PRKACB: variants seen among roughly 807,000 people sequenced by gnomAD.
PRKACB encodes the protein protein kinase cAMP-activated catalytic subunit beta.
A neutral mutation model predicts 51.4 loss-of-function variants in PRKACB; 16 were observed. The ratio of observed to expected loss-of-function variants is 0.31; its 90% confidence interval spans 0.21 to 0.47. The LOEUF (loss-of-function observed/expected upper bound fraction) is 0.47, where lower values mean the gene tolerates loss of function less well. PRKACB is among the 20% of genes least tolerant of loss of function. The pLI is 1.00. For synonymous variants in PRKACB, 147 were observed against 154.4 expected (o/e 0.95, Z 0.35); for missense variants, 309 against 464.5 (o/e 0.67, Z 3.08).
At chr1:84,139,901 A>C (rs1653228493), upstream of PRKACB, among the ~76,000 whole-genome samples, 1 of 152,096 alleles carries the variant, frequency 6.6e-6, no homozygotes, top group Non-Finnish European at 1.5e-5. Flanking sequence ...TACTAAAAAT[A>C]ATTAAAAAAT....
chr1:84,164,154 C>A (rs917398709), intron 1 of PRKACB: 9 of 465,752 alleles, frequency 1.9e-5, no homozygotes, highest in Non-Finnish European at 2.5e-5. Context: ...TGCAGATATA[C>A]ATATATGTAT....
At chr1:84,216,463 G>A (rs1163656784) in intron 9 of PRKACB, among the ~76,000 whole-genome samples, 2 of 151,982 alleles carry the variant, frequency 1.3e-5, no homozygotes, top group Admixed American at 1.3e-4. Context: ...CTCACAAGAG[G>A]GATCCAGAAA....
At chr1:84,224,797 A>G (rs1255033975) in intron 9 of PRKACB, among the ~76,000 whole-genome samples, 1 of 152,166 alleles carries the variant, frequency 6.6e-6, no homozygotes, top group Non-Finnish European at 1.5e-5. Context: ...AGAAGCAGCA[A>G]GCAGGGTGGA....
chr1:84,130,290 A>G (rs1213005085), intron 1 of PRKACB, among the ~76,000 whole-genome samples: 1 of 151,640 alleles, frequency 6.6e-6, no homozygotes, highest in African/African-American at 2.4e-5. Flanking sequence ...ATGAAATTCC[A>G]TTTGTTTGTT....
intron 1 of PRKACB, among the ~76,000 whole-genome samples, chr1:84,088,953 G>T (rs1648239179): frequency 6.6e-6 from 1 of 152,130 alleles, no homozygotes; most frequent in Non-Finnish European, 1.5e-5. Flanking sequence ...GAATTTCTGA[G>T]ATCATCTTGG....
At chr1:84,090,972 T>C (rs1294825270) in intron 1 of PRKACB, among the ~76,000 whole-genome samples, 1 of 152,156 alleles carries the variant, frequency 6.6e-6, no homozygotes, top group Non-Finnish European at 1.5e-5. Flanking sequence ...ATTCTTATCT[T>C]TTATATGTAT....
chr1:84,193,743 G>A (rs1667450401), intron 5 of PRKACB, among the ~76,000 whole-genome samples: 1 of 152,110 alleles, frequency 6.6e-6, no homozygotes, highest in African/African-American at 2.4e-5. Flanking sequence ...CAGGTGCTGG[G>A]TGCTCTGAGT....
At chr1:84,121,700 G>T (rs1228883527) in intron 1 of PRKACB, among the ~76,000 whole-genome samples, 3 of 152,018 alleles carry the variant, frequency 2.0e-5, no homozygotes, top group Non-Finnish European at 4.4e-5. Flanking sequence ...TCTCTCCCAG[G>T]GTATTAGAAG....
At chr1:84,155,253 G>A (rs565381617) in intron 1 of PRKACB, among the ~76,000 whole-genome samples, 1 of 152,100 alleles carries the variant, frequency 6.6e-6, no homozygotes, top group South Asian at 2.1e-4. Context: ...ATGGAAAAAA[G>A]AAATCAAGAA....
At chr1:84,078,713 T>C (rs1647287967) in intron 1 of PRKACB, among the ~76,000 whole-genome samples, 1 of 152,178 alleles carries the variant, frequency 6.6e-6, no homozygotes, top group Non-Finnish European at 1.5e-5. Context: ...CCACCCCTGC[T>C]TTCCCCCCTC....
At chr1:84,106,747 A>ATG (rs1649783411) in intron 1 of PRKACB, among the ~76,000 whole-genome samples, 1 of 152,198 alleles carries the variant, frequency 6.6e-6, no homozygotes, top group Admixed American at 6.5e-5. Flanking sequence ...AGAACTAGAA[A>ATG]ATACTATTCT....
In PRKACB at chr1:84,092,298, C is replaced by T. The variant is rs564931768; in HGVS notation, c.46+13927C>T. Among the ~76,000 whole-genome samples the T allele has an allele frequency of 3.3e-5, 5 of 152,190 alleles. No homozygotes were observed. In the South Asian group the frequency reaches 8.3e-4, roughly 25 times the overall value. The stretch of plus-strand genomic sequence containing the variant: ...GCATCATGTTTTCCTTTGTGACTGC[C>T]TTCTTTCACTTATGTATTTGTGACA... On this transcript the variant is annotated intron_variant, in intron 1 of 8. Coordinates refer to the PRKACB transcript ENST00000370688.
At chr1:84,177,393 G>A (rs1386525614) in intron 1 of PRKACB, among the ~76,000 whole-genome samples, 1 of 151,946 alleles carries the variant, frequency 6.6e-6, no homozygotes, top group African/African-American at 2.4e-5. Context: ...GTTGTAACTA[G>A]CACATTCATT....
chr1:84,210,960 G>T (rs1055242382), intron 8 of PRKACB, among the ~76,000 whole-genome samples: 12 of 152,128 alleles, frequency 7.9e-5, no homozygotes, highest in African/African-American at 2.7e-4. Flanking sequence ...CTTTAAATAT[G>T]TGATGGATTC....
chr1:84,192,543 GAA>G (rs1667097565), intron 5 of PRKACB, among the ~76,000 whole-genome samples: 1 of 151,970 alleles, frequency 6.6e-6, no homozygotes, highest in South Asian at 2.1e-4. Flanking sequence ...GGATTTTTGG[GAA>G]AAAAGAGTTT....
chr1:84,101,064 C>T (rs1267281616), intron 1 of PRKACB, among the ~76,000 whole-genome samples: 1 of 152,170 alleles, frequency 6.6e-6, no homozygotes, highest in Non-Finnish European at 1.5e-5. Context: ...ATGTGCCAGT[C>T]AGAGTTACAC....
intron 1 of PRKACB, among the ~76,000 whole-genome samples, chr1:84,125,322 A>T (rs2100904490): frequency 6.6e-6 from 1 of 152,236 alleles, no homozygotes; most frequent in East Asian, 1.9e-4. Context: ...GATCATTCTC[A>T]CACGTGAAAT....
At chr1:84,168,457 G>A (rs1571976702) in intron 1 of PRKACB, among the ~76,000 whole-genome samples, 1 of 151,488 alleles carries the variant, frequency 6.6e-6, no homozygotes, top group East Asian at 1.9e-4. Flanking sequence ...TGGCCCAGCT[G>A]TAGTTGAGGG....
chr1:84,178,024 A>G (rs997968436), intron 1 of PRKACB, among the ~76,000 whole-genome samples: 4 of 152,106 alleles, frequency 2.6e-5, no homozygotes, highest in African/African-American at 9.7e-5. Flanking sequence ...AATGTTACTT[A>G]AAAACTAATG....
Sources: allele counts gnomAD v4.1 joint callset (sites outside exome capture counted in the v4.1 genomes callset), GRCh38; gene constraint gnomAD v4.1.1; transcripts MANE v1.5; gene names NCBI Gene and HGNC (gene_info 2026-07-23, HGNC 2026-07-21).